RAB27A: variants seen among roughly 807,000 people sequenced by gnomAD.
The protein encoded by RAB27A is ras-related protein Rab-27A.
RAB27A carries 17 observed loss-of-function variants against 20.8 expected under a neutral mutation model. The ratio of observed to expected loss-of-function variants is 0.82; its 90% confidence interval spans 0.56 to 1.23. The LOEUF is 1.23. RAB27A is among the 50% of genes most tolerant of loss of function. The probability of loss-of-function intolerance (pLI) is 0.00; values close to 1 mark genes in which losing one functional copy is unlikely to be tolerated. For synonymous variants in RAB27A, 85 were observed against 92.8 expected (o/e 0.92, Z 0.48); for missense variants, 277 against 266.7 (o/e 1.04, Z -0.27).
intron 3 of RAB27A, among the ~76,000 whole-genome samples, chr15:55,231,919 A>G (rs1896044879): frequency 6.6e-6 from 1 of 152,208 alleles, no homozygotes; most frequent in South Asian, 2.1e-4. Context: ...AACAAAAAAA[A>G]AATTTAAAGA....
intron 2 of RAB27A, among the ~76,000 whole-genome samples, chr15:55,268,284 G>A (rs1253545364): frequency 1.3e-5 from 2 of 152,130 alleles, no homozygotes; most frequent in African/African-American, 4.8e-5. Flanking sequence ...TGAGTTTGTG[G>A]CAAAGAAAAC....
chr15:55,299,116 T>C (rs1250631130), intron 2 of RAB27A, among the ~76,000 whole-genome samples: 2 of 152,226 alleles, frequency 1.3e-5, no homozygotes, highest in Non-Finnish European at 2.9e-5. Context: ...CACAACGGTA[T>C]TGATTGGGGA....
intron 6 of RAB27A, among the ~76,000 whole-genome samples, chr15:55,211,792 G>T (rs1363588497): frequency 6.6e-6 from 1 of 152,056 alleles, no homozygotes; most frequent in South Asian, 2.1e-4. Context: ...TCTTATACAG[G>T]TCCTCATATA....
rs76253234 is a variant in RAB27A at position 55,303,117 on chromosome 15, G to A, written c.-112+10922C>T. 1.7e-3 allele frequency among the ~76,000 whole-genome samples: 208 copies of A among 125,744 alleles called. 1 individual carries two copies. Among genetic ancestry groups the A allele is most frequent in the African/African-American group, 6.0e-3 (191 of 31,964 alleles). 82.5% of individuals were successfully genotyped at this position (125,744 alleles called of 152,430 possible). ...AGCCCCCCGCCTGGCCAGCCGTGCC[G>A]TCCGGGAGGGAGGTGGGGGGGTCAG... On this transcript the variant is annotated intron_variant, in intron 2 of 5. Coordinates refer to the RAB27A transcript ENST00000563262.
intron 2 of RAB27A, among the ~76,000 whole-genome samples, chr15:55,306,670 G>C (rs1176184899): frequency 6.6e-6 from 1 of 152,198 alleles, no homozygotes; most frequent in African/African-American, 2.4e-5. Flanking sequence ...AGTTATAGCA[G>C]TTGTGGGGCA....
rs1312650934 is a variant in RAB27A, at chr15:55,251,734, C to A, written c.-22-16778G>T. ...TAGCACAGAAGGGAATAAAGAGGTACAAAAATTTTTTAAAATACTGATCAA... is the reference window on the plus strand; with the variant it reads ...TAGCACAGAAGGGAATAAAGAGGTAAAAAAATTTTTTAAAATACTGATCAA... On this transcript the variant is annotated intron_variant, in intron 2 of 6. Coordinates refer to ENST00000336787, the MANE Select transcript of RAB27A (RefSeq NM_183235.3). Among the ~76,000 whole-genome samples the A allele has an allele frequency of 2.6e-5, 4 of 152,098 alleles. 1 individual carries two copies. The highest frequency in any genetic ancestry group is 5.9e-5 in the Non-Finnish European group (4 of 68,012).
chr15:55,239,354 G>A (rs1896390578), intron 2 of RAB27A, among the ~76,000 whole-genome samples: 1 of 152,108 alleles, frequency 6.6e-6, no homozygotes, highest in Admixed American at 6.6e-5. Flanking sequence ...ATGACAATCA[G>A]AAGCAACAAA....
intron 1 of RAB27A, among the ~76,000 whole-genome samples, chr15:55,286,306 A>G (rs1898151323): frequency 6.6e-6 from 1 of 152,140 alleles, no homozygotes. Flanking sequence ...TGTGCTATGG[A>G]CATCACAGTG....
At chr15:55,213,058 G>A (rs914425245) in intron 6 of RAB27A, among the ~76,000 whole-genome samples, 3 of 152,300 alleles carry the variant, frequency 2.0e-5, no homozygotes, top group Non-Finnish European at 2.9e-5. Flanking sequence ...CATGAAAGTC[G>A]TGATAACATT....
chr15:55,256,187 G>C (rs1010950790), intron 2 of RAB27A, among the ~76,000 whole-genome samples: 1 of 152,156 alleles, frequency 6.6e-6, no homozygotes, highest in Non-Finnish European at 1.5e-5. Context: ...GACTGAGGTA[G>C]GAGGATCACT....
chr15:55,253,304 G>T (rs565883324), intron 2 of RAB27A, among the ~76,000 whole-genome samples: 4 of 151,632 alleles, frequency 2.6e-5, no homozygotes, highest in African/African-American at 9.7e-5. Flanking sequence ...AAAATTAGCC[G>T]GGCACGGTGG....
chr15:55,311,963 G>A (rs2055022615), intron 2 of RAB27A, among the ~76,000 whole-genome samples: 3 of 152,192 alleles, frequency 2.0e-5, no homozygotes, highest in African/African-American at 7.2e-5. Context: ...TCTGACCTGG[G>A]GTTCTTGGCC....
intron 2 of RAB27A, among the ~76,000 whole-genome samples, chr15:55,303,269 GC>G (rs1191466441): frequency 2.0e-5 from 2 of 102,104 alleles, no homozygotes; most frequent in Non-Finnish European, 3.8e-5. Flanking sequence ...GGGGGGGTCA[GC>G]CCCCCGCCTG....
rs1270139915 is a variant in RAB27A, at chr15:55,296,157, G to A, written c.-112+17882C>T. Reference sequence around the variant, plus strand: ...GATCCAACCACCTTGGCCTCCCAAAGTGCTGGGATTACAGGTGTGAGCCAC... The same window carrying A: ...GATCCAACCACCTTGGCCTCCCAAAATGCTGGGATTACAGGTGTGAGCCAC... On this transcript the variant is annotated intron_variant, in intron 2 of 5. Coordinates refer to the RAB27A transcript ENST00000563262. Among the ~76,000 whole-genome samples, 3 of 149,920 alleles carry A rather than the reference G, an allele frequency of 2.0e-5. 1 individual carries two copies. Among genetic ancestry groups the A allele is most frequent in the African/African-American group, 7.3e-5 (3 of 41,094 alleles).
chr15:55,205,562 T>A lies in RAB27A; in HGVS notation c.611A>T (p.His204Leu). 6.2e-7 allele frequency: 1 copy of A among 1,614,224 alleles called. No individual in the cohort carries two copies. The highest frequency in any genetic ancestry group is 8.5e-7 in the Non-Finnish European group (1 of 1,180,048). ...IPEGVVRSNG[H>L]ASTDQLSEEK... The stretch of plus-strand genomic sequence containing the variant: ...TTCACTTAACTGATCCGTAGAGGCA[T>A]GACCATTTGATCGCACCACTCCTTC... The change falls in exon 7 of 7, where the codon CAT (histidine) becomes CTT (leucine). Residue 204 changes from histidine (H) to leucine (L), a missense_variant. By Grantham distance (99) the His-to-Leu change is moderately conservative. Transcript: ENST00000336787.
intron 2 of RAB27A, among the ~76,000 whole-genome samples, chr15:55,236,552 A>G (rs1896265663): frequency 6.6e-6 from 1 of 152,174 alleles, no homozygotes. Flanking sequence ...TAAAGAAGAA[A>G]AATTCATTTA....
At chr15:55,206,424 C>T (rs1894655052) in intron 6 of RAB27A, 2 of 185,662 alleles carry the variant, frequency 1.1e-5, no homozygotes, top group Non-Finnish European at 2.0e-5. Context: ...ATCTCAGTTC[C>T]CAGGCGACTT....
chr15:55,318,309 G>A (rs2055077023), intron 1 of RAB27A, among the ~76,000 whole-genome samples: 1 of 151,220 alleles, frequency 6.6e-6, no homozygotes, highest in Non-Finnish European at 1.5e-5. Context: ...GTGTTAGCCA[G>A]GATGGTCTCG....
At chr15:55,244,674 A>G (rs1459260858) in intron 2 of RAB27A, among the ~76,000 whole-genome samples, 1 of 152,222 alleles carries the variant, frequency 6.6e-6, no homozygotes, top group Non-Finnish European at 1.5e-5. Context: ...TATGGACTTC[A>G]CTTATTGCAG....
Sources: allele counts gnomAD v4.1 joint callset (sites outside exome capture counted in the v4.1 genomes callset), GRCh38; gene constraint gnomAD v4.1.1; transcripts MANE v1.5; gene names NCBI Gene and HGNC (gene_info 2026-07-23, HGNC 2026-07-21).